Variants in NYAP2 observed in about 807,000 individuals in gnomAD.
The protein encoded by NYAP2 is neuronal tyrosine-phosphorylated phosphoinositide-3-kinase adapter 2.
NYAP2 carries 23 observed loss-of-function variants against 50.4 expected under a neutral mutation model. The ratio of observed to expected loss-of-function variants is 0.46; its 90% CI spans 0.33 to 0.65. The LOEUF (loss-of-function observed/expected upper bound fraction) is 0.65. NYAP2 is among the 30% of genes least tolerant of loss of function. The pLI is 0.02. For missense variants in NYAP2, 885 were observed against 861.0 expected, an observed-to-expected ratio of 1.03 and a Z score of -0.35; for synonymous variants, 394 against 365.2, an observed-to-expected ratio of 1.08 and a Z score of -0.90.
At chr2:225,663,330 A>G in the NYAP2 span, among the ~76,000 whole-genome samples, 1 of 152,264 alleles carries the variant, frequency 6.6e-6, no homozygotes, top group East Asian at 1.9e-4. Flanking sequence ...CTGTTCCCAG[A>G]TCCATTCTTC....
At position 225,507,938 on chromosome 2, in the gene NYAP2, G is replaced by A. The variant is rs558765160; in HGVS notation, c.222-5433G>A. Among the ~76,000 whole-genome samples, 2 of 152,320 alleles carry A rather than the reference G, an allele frequency of 1.3e-5. 1 individual carries two copies. The highest frequency in any genetic ancestry group is 3.9e-4 in the East Asian group (2 of 5,184). ...GCTCTGGGATAGTCTATAACTCCAT[G>A]ATTCCAGTGCACAAATGTCCAGGCC... On this transcript the variant is annotated intron_variant, in intron 3 of 6. Transcript: ENST00000636099.
the NYAP2 span, among the ~76,000 whole-genome samples, chr2:225,676,568 C>T: frequency 6.6e-6 from 1 of 152,086 alleles, no homozygotes; most frequent in Non-Finnish European, 1.5e-5. Flanking sequence ...GTTCATCTTA[C>T]ATGGATGGCA....
intron 4 of NYAP2, among the ~76,000 whole-genome samples, chr2:225,533,866 G>T (rs1373791347): frequency 6.6e-6 from 1 of 152,020 alleles, no homozygotes. Context: ...CTTGGCTATG[G>T]TTATTTACAT....
At chr2:225,678,649 A>G in the NYAP2 span, among the ~76,000 whole-genome samples, 43 of 152,266 alleles carry the variant, frequency 2.8e-4, no homozygotes, top group Admixed American at 7.9e-4. Flanking sequence ...AAATAAAAAG[A>G]CTTTTCGTTT....
At position 225,582,798 on chromosome 2, in the gene NYAP2, C is replaced by A. The variant is rs753992827; in HGVS notation, c.1381C>A (p.His461Asn). 6.2e-7 allele frequency: 1 copy of A among 1,613,950 alleles called. No individual in the cohort carries two copies. Among genetic ancestry groups the A allele is most frequent in the Non-Finnish European group, 8.5e-7 (1 of 1,179,890 alleles). ...AAGGCCTCCCCCTTACGACGCTGTG[C>A]ATTCGGGCAGCCTCTCAAGGAGCTC... The change falls in exon 5 of 7, where the codon CAT becomes AAT. Residue 461 changes from histidine to asparagine, a missense_variant. By Grantham distance (68) the His-to-Asn change is moderately conservative. Transcript: ENST00000636099. The surrounding 1 kb of genome is among the most constrained non-coding windows in gnomAD (Gnocchi z 7.0).
the NYAP2 span, among the ~76,000 whole-genome samples, chr2:225,694,953 A>T: frequency 6.6e-6 from 1 of 151,806 alleles, no homozygotes; most frequent in Non-Finnish European, 1.5e-5. Flanking sequence ...CTGAAAAAAA[A>T]AGTTATTTTC....
At chr2:225,410,348 CTA>C (rs1695015586) in intron 3 of NYAP2, among the ~76,000 whole-genome samples, 2 of 152,014 alleles carry the variant, frequency 1.3e-5, no homozygotes, top group Middle Eastern at 3.4e-3. Context: ...TTGTTGAGGA[CTA>C]TGTTATTTTG....
chr2:225,631,451 A>G lies in NYAP2; in HGVS notation c.1828+4325A>G, dbSNP rs73090869. Reference sequence around the variant, plus strand: ...CTTAGATTATGAAGGAGGTAGGCAAAGATGGAAGAAGACATAAATTCTGTT... The same window carrying G: ...CTTAGATTATGAAGGAGGTAGGCAAGGATGGAAGAAGACATAAATTCTGTT... On this transcript the variant is annotated intron_variant, in intron 6 of 6. Transcript: ENST00000636099. Among the ~76,000 whole-genome samples, 1,179 of 152,324 alleles carry G rather than the reference A, an allele frequency of 7.7e-3. 26 individuals carry two copies. Among genetic ancestry groups the G allele is most frequent in the African/African-American group, 0.027 (1,135 of 41,570 alleles).
intron 4 of NYAP2, among the ~76,000 whole-genome samples, chr2:225,550,451 G>T (rs992125945): frequency 6.6e-6 from 1 of 152,164 alleles, no homozygotes; most frequent in African/African-American, 2.4e-5. Flanking sequence ...TGGTGATCAG[G>T]GAAAAATAAT....
chr2:225,569,858 C>T (rs543444873), intron 4 of NYAP2, among the ~76,000 whole-genome samples: 1 of 152,282 alleles, frequency 6.6e-6, no homozygotes, highest in South Asian at 2.1e-4. Context: ...AATATTTTAG[C>T]ATAACCTCCC....
chr2:225,489,651 C>G (rs1003644837), intron 3 of NYAP2, among the ~76,000 whole-genome samples: 2 of 152,146 alleles, frequency 1.3e-5, no homozygotes, highest in African/African-American at 4.8e-5. Flanking sequence ...AAATACCCAA[C>G]TTTCTCTAGT....
intron 4 of NYAP2, among the ~76,000 whole-genome samples, chr2:225,567,850 T>A (rs1691988552): frequency 6.6e-6 from 1 of 152,130 alleles, no homozygotes; most frequent in Non-Finnish European, 1.5e-5. Flanking sequence ...GGATGGAAAC[T>A]ATTTTGGGTT....
At chr2:225,625,119 A>G (rs1304375629) in intron 5 of NYAP2, among the ~76,000 whole-genome samples, 1 of 146,578 alleles carries the variant, frequency 6.8e-6, no homozygotes, top group Non-Finnish European at 1.5e-5. Context: ...AAAATTCCTT[A>G]TTTGAATTAA....
intron 4 of NYAP2, among the ~76,000 whole-genome samples, chr2:225,540,697 C>G (rs1462181088): frequency 6.6e-6 from 1 of 152,180 alleles, no homozygotes; most frequent in African/African-American, 2.4e-5. Context: ...TTGATGGACA[C>G]TTAGGTTACT....
chr2:225,605,953 A>G (rs1325265364), intron 5 of NYAP2, among the ~76,000 whole-genome samples: 1 of 152,180 alleles, frequency 6.6e-6, no homozygotes, highest in African/African-American at 2.4e-5. Flanking sequence ...ACTTTCCGTA[A>G]TATAAAACAG....
At chr2:225,474,241 C>A (rs957430074) in intron 3 of NYAP2, among the ~76,000 whole-genome samples, 2 of 152,044 alleles carry the variant, frequency 1.3e-5, no homozygotes, top group Non-Finnish European at 2.9e-5. Context: ...AGTCAGGTAG[C>A]GTGATGCCTC....
chr2:225,438,362 CT>C (rs1177118821), intron 3 of NYAP2, among the ~76,000 whole-genome samples: 4 of 152,194 alleles, frequency 2.6e-5, no homozygotes, highest in Admixed American at 6.5e-5. Context: ...CTGGCAAGTG[CT>C]TTAGCTTTAT....
intron 3 of NYAP2, among the ~76,000 whole-genome samples, chr2:225,451,772 G>A (rs1257061376): frequency 4.6e-5 from 7 of 152,126 alleles, no homozygotes; most frequent in Admixed American, 6.6e-5. Flanking sequence ...TTATATGGTA[G>A]GCTAATAAGA....
exon 7 of NYAP2, chr2:225,653,241 C>T (rs566670432): frequency 6.6e-6 from 1 of 152,210 alleles, no homozygotes; most frequent in South Asian, 2.1e-4. Flanking sequence ...AGTTTATGAC[C>T]CTTGCTAGTA....
Sources: gnomAD v4.1 joint callset for allele counts (sites outside exome capture counted in the v4.1 genomes callset) on GRCh38, gnomAD v4.1.1 for gene constraint, Gnocchi (gnomAD v3.1) non-coding constraint, MANE v1.5 for transcripts, NCBI Gene and HGNC (gene_info 2026-07-23, HGNC 2026-07-21) for gene names.